The following NAT2 variants were observed in gnomAD, a reference collection of about 807,000 sequenced individuals.
NAT2 encodes arylamine N-acetyltransferase 2.
For missense variants in NAT2, 428 were observed against 339.1 expected (o/e 1.26, Z -2.06); for synonymous variants, 137 against 125.9 (o/e 1.09, Z -0.59).
upstream of NAT2, among the ~76,000 whole-genome samples, chr8:18,389,226 C>T (rs538694722): frequency 2.0e-4 from 30 of 152,212 alleles, no homozygotes; most frequent in East Asian, 5.4e-3. Context: ...GAAAAATGAC[C>T]ATAATCCATT....
At chr8:18,392,057 C>G (rs1195554369) in intron 1 of NAT2, among the ~76,000 whole-genome samples, 1 of 152,196 alleles carries the variant, frequency 6.6e-6, no homozygotes, top group Non-Finnish European at 1.5e-5. Context: ...TCAGGCAGAG[C>G]CAATGTATAC....
intron 1 of NAT2, among the ~76,000 whole-genome samples, chr8:18,399,364 G>C (rs1800748691): frequency 6.6e-6 from 1 of 152,160 alleles, no homozygotes; most frequent in Admixed American, 6.5e-5. Flanking sequence ...CAGACTGCAT[G>C]TTTTATCCAT....
chr8:18,398,549 G>C (rs140992646), intron 1 of NAT2, among the ~76,000 whole-genome samples: 316 of 152,304 alleles, frequency 2.1e-3, no homozygotes, highest in Middle Eastern at 6.8e-3. Context: ...ACTGACTTCT[G>C]AAGCTTTTAC....
chr8:18,398,653 C>T (rs1163520878), intron 1 of NAT2, among the ~76,000 whole-genome samples: 1 of 152,198 alleles, frequency 6.6e-6, no homozygotes, highest in East Asian at 1.9e-4. Flanking sequence ...CACGTATTCC[C>T]CTGCTCAAGT....
upstream of NAT2, chr8:18,391,256 C>G (rs371026887): frequency 1.3e-5 from 2 of 152,074 alleles, no homozygotes; most frequent in East Asian, 3.9e-4. Context: ...GAGATCACTT[C>G]CCTTGCAGAC....
rs544401811 is a variant in NAT2 at position 18,392,591 on chromosome 8, C to A, written c.-7+1246C>A. ...TGAGGGTGGGCCTCCCTTTCTCAGT[C>A]CACTGATTCAAATGTTAATTTCCTT... is the stretch of plus-strand genomic sequence containing the variant. On this transcript the variant is annotated intron_variant, in intron 1 of 1. Coordinates refer to ENST00000286479, the MANE Select transcript of NAT2 (RefSeq NM_000015.3). Among the ~76,000 whole-genome samples, 25 of 152,314 alleles carry A rather than the reference C, an allele frequency of 1.6e-4. 1 individual carries two copies. Among genetic ancestry groups the A allele is most frequent in the African/African-American group, 5.8e-4 (24 of 41,568 alleles).
chr8:18,386,349 G>C (rs1319241905), upstream of NAT2, among the ~76,000 whole-genome samples: 1 of 152,210 alleles, frequency 6.6e-6, no homozygotes, highest in African/African-American at 2.4e-5. Context: ...AACTGGTTCA[G>C]AGGTGGCCAT....
chr8:18,388,297 G>A (rs1388870259), upstream of NAT2, among the ~76,000 whole-genome samples: 7 of 152,144 alleles, frequency 4.6e-5, no homozygotes, highest in Admixed American at 1.3e-4. Context: ...CTAGAATTGA[G>A]AATAAATTGT....
chr8:18,396,021 A>G (rs1395016419), intron 1 of NAT2, among the ~76,000 whole-genome samples: 4 of 151,820 alleles, frequency 2.6e-5, no homozygotes, highest in Non-Finnish European at 5.9e-5. Flanking sequence ...TAATATTAAA[A>G]GAAAATCTTA....
rs1218671426 is a variant in NAT2 at position 18,392,831 on chromosome 8, A to G, written c.-7+1486A>G. 2.0e-5 allele frequency among the ~76,000 whole-genome samples: 3 copies of G among 152,214 alleles called. No homozygotes were observed. The East Asian group carries it at 5.8e-4, about 29-fold the overall frequency. ...AACAGGTAAATTAGTTTTAGTGGCA[A>G]CACAGGTTAAGAGAGAGAGGAAGGA... On this transcript the variant is annotated intron_variant, in intron 1 of 1. Transcript: ENST00000286479.
chr8:18,393,799 A>C (rs1585136037), intron 1 of NAT2, among the ~76,000 whole-genome samples: 1 of 152,352 alleles, frequency 6.6e-6, no homozygotes, highest in Non-Finnish European at 1.5e-5. Context: ...AGCCAGAAAA[A>C]AATTCAGGAT....
intron 1 of NAT2, among the ~76,000 whole-genome samples, 171 bp downstream of exon 1, chr8:18,391,516 C>T (rs1048833582): frequency 5.3e-5 from 8 of 150,066 alleles, no homozygotes; most frequent in African/African-American, 1.5e-4. Context: ...GTCAGACACG[C>T]CTCATTATAC....
chr8:18,400,599 T>A lies in NAT2; in HGVS notation c.596T>A (p.Ile199Asn), dbSNP rs761741098. 1 of 1,613,444 alleles carries A rather than the reference T, an allele frequency of 6.2e-7. No individual in the cohort carries two copies. Among genetic ancestry groups the A allele is most frequent in the African/African-American group, 1.3e-5 (1 of 74,874 alleles). ...TTATTTACGCTTGAACCTCGAACAA[T>A]TGAAGATTTTGAGTCTATGAATACA... ...IYLFTLEPRT[I>N]EDFESMNTYL... Residue 199 changes from isoleucine to asparagine, a missense_variant, in exon 2 of 2, where the codon ATT becomes AAT. Ile to Asn is a moderately radical substitution (Grantham distance 149, BLOSUM62 -3). Transcript: ENST00000286479.
intron 1 of NAT2, among the ~76,000 whole-genome samples, chr8:18,394,735 A>G (rs574726595): frequency 1.2e-4 from 18 of 152,224 alleles, no homozygotes; most frequent in Non-Finnish European, 2.2e-4. Context: ...GGCTATTATC[A>G]GCTTTATAAA....
At position 18,400,455 on chromosome 8, in the gene NAT2, G is replaced by A; in HGVS notation, c.452G>A (p.Cys151Tyr). The A allele has an allele frequency of 3.7e-6, 6 of 1,613,774 alleles. No homozygotes were observed. The highest frequency in any genetic ancestry group is 5.1e-6 in the Non-Finnish European group (6 of 1,179,928). The part of the protein sequence containing the change: ...KDQPQVPCIF[C>Y]LTEERGIWYL... ...CAGCCTCAGGTGCCTTGCATTTTCT[G>A]CTTGACAGAAGAGAGAGGAATCTGG... is the stretch of plus-strand genomic sequence containing the variant. Residue 151 changes from cysteine (C) to tyrosine (Y), a missense_variant, in exon 2 of 2, where the codon TGC (cysteine) becomes TAC (tyrosine). By Grantham distance (194) the Cys-to-Tyr change is radical. Transcript: ENST00000286479.
At chr8:18,389,304 C>T (rs1479607789), upstream of NAT2, among the ~76,000 whole-genome samples, 1 of 152,180 alleles carries the variant, frequency 6.6e-6, no homozygotes, top group East Asian at 1.9e-4. Context: ...GAATTATTTC[C>T]TCTGCTTCTC....
Position 18,400,952 on chromosome 8 carries a change from C to G in NAT2, c.*76C>G, listed in dbSNP as rs1262145401. ...ATCAACTTATGTGCTATCAGATATC[C>G]TCTCTACCCTCACGTTATTTTGAAG... On this transcript the variant is annotated 3_prime_UTR_variant, in exon 2 of 2. Coordinates refer to ENST00000286479, the MANE Select transcript of NAT2 (RefSeq NM_000015.3). The G allele has an allele frequency of 9.7e-7, 1 of 1,027,128 alleles. No homozygotes were observed. 63.6% of individuals were successfully genotyped at this position (1,027,128 alleles called of 1,614,324 possible).
At chr8:18,394,118 G>A (rs45515891) in intron 1 of NAT2, among the ~76,000 whole-genome samples, 122 of 152,206 alleles carry the variant, frequency 8.0e-4, no homozygotes, top group Middle Eastern at 3.4e-3. Flanking sequence ...TCAAAGGGGG[G>A]TTGTTCTCTG....
chr8:18,393,590 T>C (rs547384299), intron 1 of NAT2, among the ~76,000 whole-genome samples: 1 of 152,322 alleles, frequency 6.6e-6, no homozygotes, highest in South Asian at 2.1e-4. Context: ...TCCCTGGAAG[T>C]TCAAACCAGG....
Sources: gnomAD v4.1 joint callset for allele counts (sites outside exome capture counted in the v4.1 genomes callset) on GRCh38, gnomAD v4.1.1 for gene constraint, MANE v1.5 for transcripts, NCBI Gene and HGNC (gene_info 2026-07-23, HGNC 2026-07-21) for gene names.